The following MXRA5 variants were observed in gnomAD, a reference collection of about 807,000 sequenced individuals.
MXRA5 encodes matrix remodeling associated 5.
In MXRA5, 41 loss-of-function variants were observed where a neutral mutation model predicts 112.5. The ratio of observed to expected loss-of-function variants is 0.36; its 90% CI spans 0.28 to 0.47. The LOEUF (loss-of-function observed/expected upper bound fraction) is 0.47. MXRA5 is among the 20% of genes least tolerant of loss of function. The pLI, the probability that MXRA5 is intolerant of heterozygous loss-of-function variation, is 0.99. For missense variants in MXRA5, 2,150 were observed against 2,251.0 expected (o/e 0.96, Z 0.91); for synonymous variants, 862 against 900.8 (o/e 0.96, Z 0.77).
At chrX:3,338,790 G>A (rs754228879) in intron 2 of MXRA5, among the ~76,000 whole-genome samples, 45 of 110,390 alleles carry the variant, frequency 4.1e-4, no homozygotes, top group Middle Eastern at 4.7e-3. Context: ...TGATAGGTAG[G>A]TAGATAGGTG....
chrX:3,329,272 G>T (rs868031044), intron 4 of MXRA5, among the ~76,000 whole-genome samples: 1 of 41,329 alleles, frequency 2.4e-5, no homozygotes, highest in African/African-American at 7.7e-5. Context: ...GAAGGAAGGA[G>T]AGAAGGAAGG....
At chrX:3,341,896 C>G (rs1921995153) in intron 2 of MXRA5, among the ~76,000 whole-genome samples, 1 of 105,680 alleles carries the variant, frequency 9.5e-6, no homozygotes, top group Non-Finnish European at 1.9e-5. Context: ...ATTTTGCACA[C>G]CAAGGGTGGA....
intron 2 of MXRA5, among the ~76,000 whole-genome samples, chrX:3,341,412 TTA>T (rs1921958776): frequency 5.1e-5 from 1 of 19,494 alleles, no homozygotes; most frequent in Non-Finnish European, 6.7e-5. Flanking sequence ...TATATTATTA[TTA>T]TATATAATAT....
intron 2 of MXRA5, among the ~76,000 whole-genome samples, chrX:3,331,129 A>G (rs1260769386): frequency 1.8e-5 from 2 of 110,836 alleles, no homozygotes; most frequent in Non-Finnish European, 3.8e-5. Context: ...CTGATCTGGA[A>G]CTCCTGGCCT....
At position 3,329,327 on chromosome X, in the gene MXRA5, G is replaced by GGAAT. The variant is rs1270734736; in HGVS notation, c.709+690_709+691insATTC. Reference sequence around the variant, plus strand: ...AAGGAAGGAAGGAAAAAAGAAGGAAGGAAGGAGAGAAGGAAGAAAGGAAAG... The same window carrying GGAAT: ...AAGGAAGGAAGGAAAAAAGAAGGAAGGAATGAAGGAGAGAAGGAAGAAAGGAAAG... On this transcript the variant is annotated intron_variant, in intron 4 of 6. Coordinates refer to ENST00000217939, the MANE Select transcript of MXRA5 (RefSeq NM_015419.4). Among the ~76,000 whole-genome samples the GGAAT allele has an allele frequency of 2.2e-4, 22 of 100,330 alleles. 1 individual carries two copies. Among genetic ancestry groups the GGAAT allele is most frequent in the Admixed American group, 9.8e-4 (9 of 9,202 alleles). The allele number at this position is 100,330 out of a possible 115,157, so 87.1% of individuals were successfully genotyped here.
chrX:3,320,226 G>A lies in MXRA5; in HGVS notation c.5459C>T (p.Thr1820Ile), dbSNP rs1299718450. ...GCTTCCTGAGGACTGGACAGAAGAT[G>A]TTATAAAGGAGATAGAACTCTGGGT... The part of the protein sequence containing the change: ...SSTQSSISFI[T>I]SSVQSSGSFH... Residue 1820 changes from threonine (T) to isoleucine (I), a missense_variant, in exon 5 of 7, where the codon ACA becomes ATA. Physicochemically the swap from Thr to Ile is moderately conservative, Grantham distance 89. Transcript: ENST00000217939. 1 of 1,211,181 alleles carries A rather than the reference G, an allele frequency of 8.3e-7. No homozygotes were observed. The highest frequency in any genetic ancestry group is 2.2e-5 in the Admixed American group (1 of 46,026).
chrX:3,317,468 G>A lies in MXRA5; in HGVS notation c.6213C>T (p.Ala2071=). ...GCACGCTGGGCAGGGGCGCAGCCTT[G>A]GCAGTGCAGTGAATGTGAATGCTGA... ...PGLSIHIHCT[A]KAAPLPSVRW... Residue 2071 remains alanine, a synonymous_variant, in exon 6 of 7, where the codon GCC becomes GCT. Transcript: ENST00000217939. The A allele has an allele frequency of 1.0e-5, 12 of 1,195,402 alleles. No individual in the cohort carries two copies. The highest frequency in any genetic ancestry group is 1.4e-5 in the Non-Finnish European group (12 of 887,579).
At chrX:3,316,967 T>C (rs1325213013) in intron 6 of MXRA5, 136 bp downstream of exon 6, 3 of 757,890 alleles carry the variant, frequency 4.0e-6, no homozygotes, top group Middle Eastern at 4.7e-4. Flanking sequence ...TGAGCCACCG[T>C]GCCCTGCTAA....
At position 3,343,677 on chromosome X, in the gene MXRA5, T is replaced by C. The variant is rs751891875; in HGVS notation, c.157A>G (p.Ile53Val). The C allele has an allele frequency of 1.7e-6, 2 of 1,211,694 alleles. No homozygotes were observed. The highest frequency in any genetic ancestry group is 4.3e-5 in the Admixed American group (2 of 46,061). ...FRSLASVPAGIAKHVERINLG... is the reference protein window; with the variant it reads ...FRSLASVPAGVAKHVERINLG... Reference sequence around the variant, plus strand: ...TTGATTCTTTCCACGTGTTTAGCAATGCCAGCGGGCACGGAAGCCAGGGAT... The same window carrying C: ...TTGATTCTTTCCACGTGTTTAGCAACGCCAGCGGGCACGGAAGCCAGGGAT... Residue 53 changes from isoleucine to valine, a missense_variant, in exon 2 of 7, where the codon ATT becomes GTT. Ile to Val is a conservative substitution (Grantham distance 29). Around this residue, in one of 6 missense-constraint regions of MXRA5, gnomAD observed 386 missense variants for 411.0 expected, o/e 0.94. Coordinates refer to ENST00000217939, the MANE Select transcript of MXRA5 (RefSeq NM_015419.4).
rs993616738 is a variant in MXRA5 at position 3,319,674 on chromosome X, G to A, written c.5677+334C>T. 2.7e-5 allele frequency among the ~76,000 whole-genome samples: 3 copies of A among 111,755 alleles called. No individual in the cohort carries two copies. The Admixed American group carries it at 2.8e-4, about 11-fold the overall frequency. The stretch of plus-strand genomic sequence containing the variant: ...ATAGACACTTGGGACTAGTAGAGGA[G>A]AGAGGGAGGGGTGGCAAGGGTTGAA... On this transcript the variant is annotated intron_variant, in intron 5 of 6. Transcript: ENST00000217939.
At position 3,330,677 on chromosome X, in the gene MXRA5, G is replaced by A. The variant is rs1921643049; in HGVS notation, c.285C>T (p.Pro95=). ...AGCTGAGGTCTCTTAAAGCTCCATC[G>A]GGGATGCTTGGGATCTCATTGCCGT... ...MIHGNEIPSI[P]DGALRDLSSL... The change falls in exon 3 of 7, where the codon CCC becomes CCT. Residue 95 remains proline, a synonymous_variant. Transcript: ENST00000217939. 8 of 1,206,735 alleles carry A rather than the reference G, an allele frequency of 6.6e-6. No homozygotes were observed. Among genetic ancestry groups the A allele is most frequent in the African/African-American group, 1.8e-5 (1 of 56,634 alleles).
chrX:3,317,879 G>T lies in MXRA5; in HGVS notation c.5802C>A (p.His1934Gln), dbSNP rs757827523. Residue 1934 changes from histidine to glutamine, a missense_variant, in exon 6 of 7, where the codon CAC (histidine) becomes CAA (glutamine). This residue lies in a region of MXRA5 where 1,485 missense variants were observed against 1,471.6 expected (regional missense o/e 1.01). Coordinates refer to ENST00000217939, the MANE Select transcript of MXRA5 (RefSeq NM_015419.4). ...GQYMCTASNL[H>Q]GLDRMVVLLS... ...GCAAGACCACCATCCTGTCCAGGCC[G>T]TGCAGGTTGCTGGCGGTGCACATAT... is the stretch of plus-strand genomic sequence containing the variant. 8.3e-7 allele frequency: 1 copy of T among 1,211,646 alleles called. No homozygotes were observed. The highest frequency in any genetic ancestry group is 1.1e-6 in the Non-Finnish European group (1 of 895,501).
At chrX:3,338,332 T>C (rs1921827267) in intron 2 of MXRA5, among the ~76,000 whole-genome samples, 1 of 111,287 alleles carries the variant, frequency 9.0e-6, no homozygotes, top group Non-Finnish European at 1.9e-5. Flanking sequence ...ACTATTGTCA[T>C]AGATAGATGA....
chrX:3,312,528 G>A (rs1481686176), intron 6 of MXRA5, among the ~76,000 whole-genome samples: 2 of 109,534 alleles, frequency 1.8e-5, no homozygotes, highest in Non-Finnish European at 3.8e-5. Flanking sequence ...CATTATAATG[G>A]GAGCCTTAAT....
intron 4 of MXRA5, among the ~76,000 whole-genome samples, chrX:3,328,061 C>T (rs1314291656): frequency 8.9e-6 from 1 of 112,451 alleles, no homozygotes; most frequent in Non-Finnish European, 1.9e-5. Context: ...AATGCATTTT[C>T]AGGCCCCCTT....
At chrX:3,346,443 G>T (rs1325571807) in intron 1 of MXRA5, 72 bp downstream of exon 1, 3 of 670,681 alleles carry the variant, frequency 4.5e-6, no homozygotes, top group Non-Finnish European at 5.3e-6. Context: ...TCCCTTGGGT[G>T]TCTCAAATCC....
rs868599615 is a variant in MXRA5 at position 3,321,819 on chromosome X, G to A, written c.3866C>T (p.Pro1289Leu). The A allele has an allele frequency of 8.3e-7, 1 of 1,210,445 alleles. No individual in the cohort carries two copies. The highest frequency in any genetic ancestry group is 1.1e-6 in the Non-Finnish European group (1 of 894,421). The change falls in exon 5 of 7, where the codon CCT (proline) becomes CTT (leucine). Residue 1289 changes from proline to leucine, a missense_variant. By Grantham distance (98) the Pro-to-Leu change is moderately conservative. Coordinates refer to ENST00000217939, the MANE Select transcript of MXRA5 (RefSeq NM_015419.4). ...PRTVSLKTEG[P>L]YDSLDYMTTT... ...TGTCATGTAATCTAAGGAATCATAA[G>A]GGCCCTCAGTTTTCAGAGAAACAGT...
intron 6 of MXRA5, 115 bp downstream of exon 6, chrX:3,316,988 T>C: frequency 1.2e-6 from 1 of 863,441 alleles, no homozygotes; most frequent in Non-Finnish European, 1.6e-6. Context: ...TTAATTTCAT[T>C]TAATTTTATC....
Position 3,317,342 on chromosome X carries a change from C to T in MXRA5, c.6339G>A (p.Ala2113=), listed in dbSNP as rs770918368. 5.1e-5 allele frequency: 61 copies of T among 1,207,524 alleles called. No homozygotes were observed. Among genetic ancestry groups the T allele is most frequent in the Non-Finnish European group, 6.7e-5 (60 of 893,789 alleles). The stretch of plus-strand genomic sequence containing the variant: ...ACTCATAGCGCCCGCTGTCCTTGGG[C>T]GCGAGGTTGCGGATGTAGAGCGTCC... The part of the protein sequence containing the change: ...PNGTLYIRNL[A]PKDSGRYECV... The change falls in exon 6 of 7, where the codon GCG becomes GCA. Residue 2113 remains alanine, a synonymous_variant. Coordinates refer to ENST00000217939, the MANE Select transcript of MXRA5 (RefSeq NM_015419.4).
Sources: allele counts gnomAD v4.1 joint callset (sites outside exome capture counted in the v4.1 genomes callset), GRCh38; gene constraint gnomAD v4.1.1; regional missense constraint gnomAD v4.1.1; transcripts MANE v1.5; gene names NCBI Gene and HGNC (gene_info 2026-07-23, HGNC 2026-07-21).